Variants in DLG4 observed in about 807,000 individuals in gnomAD.
DLG4 encodes discs large MAGUK scaffold protein 4.
In DLG4, 7 loss-of-function variants were observed where a neutral mutation model predicts 93.8. That is an observed-to-expected ratio of 0.07 (90% confidence interval 0.04 to 0.14). The LOEUF is 0.14. Ranked by LOEUF, DLG4 falls within the 10% of genes least tolerant of loss-of-function variation. DLG4 has a pLI of 1.00. For synonymous variants in DLG4, 341 were observed against 387.6 expected, an observed-to-expected ratio of 0.88 and a Z score of 1.41; for missense variants, 545 against 992.9, an observed-to-expected ratio of 0.55 and a Z score of 6.06.
Position 7,190,532 on chromosome 17 carries a change from C to G in DLG4, c.*176G>C, listed in dbSNP as rs766118390. The G allele has an allele frequency of 2.3e-4, 140 of 602,828 alleles. No individual in the cohort carries two copies. In the African/African-American group the frequency reaches 2.4e-3, roughly 10 times the overall value. The allele number at this position is 602,828 out of a possible 1,614,324, so 37.3% of individuals were successfully genotyped here. On this transcript the variant is annotated 3_prime_UTR_variant, in exon 20 of 20. Coordinates refer to ENST00000399506, the MANE Select transcript of DLG4 (RefSeq NM_001321075.3). ...CGTTCAGGAGCCCAGTTCTGGGGTG[C>G]GGGGATACATGCAGAGGAGTGTCCC...
At position 7,205,954 on chromosome 17, in the gene DLG4, C is replaced by T. The variant is rs2070446659; in HGVS notation, c.97-1702G>A. On this transcript the variant is annotated intron_variant, in intron 2 of 19. Coordinates refer to ENST00000399506, the MANE Select transcript of DLG4 (RefSeq NM_001321075.3). ...TCCCATCCCTATCTCTGCCCGCATCCCACATGCTCCATCTCCATCCCTGTC... is the reference window on the plus strand; with the variant it reads ...TCCCATCCCTATCTCTGCCCGCATCTCACATGCTCCATCTCCATCCCTGTC... Among the ~76,000 whole-genome samples the T allele has an allele frequency of 2.0e-5, 3 of 151,898 alleles. No homozygotes were observed. In the East Asian group the frequency reaches 5.8e-4, roughly 29 times the overall value.
At chr17:7,190,879 T>C (rs1483133631) in intron 19 of DLG4, 65 bp from the exon 20 acceptor site, 8 of 1,365,348 alleles carry the variant, frequency 5.9e-6, no homozygotes, top group Admixed American at 3.4e-5. Flanking sequence ...GCCAAGGGGG[T>C]TGCACCAGCC....
Position 7,193,095 on chromosome 17 carries a change from C to G in DLG4, c.1716G>C (p.Glu572Asp). ...GGTAATCCCGGCCATCTATCTCATA[C>G]TCCCGCTTGGGCCGTGTCGTATCTG... Reference protein sequence around the residue: ...CVPHTTRPKREYEIDGRDYHF... With the variant: ...CVPHTTRPKRDYEIDGRDYHF... The change falls in exon 17 of 20, where the codon GAG becomes GAC. Residue 572 changes from glutamate to aspartate, a missense_variant. Physicochemically the swap from Glu to Asp is conservative, Grantham distance 45. Around this residue, in one of 5 missense-constraint regions of DLG4, gnomAD observed 428 missense variants for 741.4 expected, o/e 0.58. Transcript: ENST00000399506. The surrounding 1 kb of genome is among the most constrained non-coding windows in gnomAD (Gnocchi z 6.7). 1 of 1,613,824 alleles carries G rather than the reference C, an allele frequency of 6.2e-7. No homozygotes were observed. Among genetic ancestry groups the G allele is most frequent in the Non-Finnish European group, 8.5e-7 (1 of 1,179,784 alleles).
chr17:7,203,872 C>T lies in DLG4; in HGVS notation c.211-56G>A. On this transcript the variant is annotated intron_variant, in intron 4 of 19. Transcript: ENST00000399506. The surrounding 1 kb of genome is among the most constrained non-coding windows in gnomAD (Gnocchi z 7.2). ...CCCTCACTGCCCAAGTCTGGCAAGGCAAGTGGGGTGGGAAATGGCTTGGAG... is the reference window on the plus strand; with the variant it reads ...CCCTCACTGCCCAAGTCTGGCAAGGTAAGTGGGGTGGGAAATGGCTTGGAG... 6.2e-7 allele frequency: 1 copy of T among 1,604,562 alleles called. No individual in the cohort carries two copies. Among genetic ancestry groups the T allele is most frequent in the Non-Finnish European group, 8.5e-7 (1 of 1,175,432 alleles).
rs753044019 is a variant in DLG4 at position 7,208,026 on chromosome 17, C to T, written c.96+148G>A. ...CCGGCCCTTAGGGATTGCTGCAGCT[C>T]CGAGGCTCCGAGGGCCGCACTGGGG... On this transcript the variant is annotated intron_variant, in intron 2 of 19. Transcript: ENST00000399506. This position sits in a 1 kb window ranked among gnomAD's most constrained non-coding sequence, Gnocchi z 5.4. 1 of 1,244,840 alleles carries T rather than the reference C, an allele frequency of 8.0e-7. No homozygotes were observed. The highest frequency in any genetic ancestry group is 3.6e-5 in the South Asian group (1 of 28,144). The allele number at this position is 1,244,840 out of a possible 1,614,324, so 77.1% of individuals were successfully genotyped here.
chr17:7,189,767 GT>G lies in DLG4; in HGVS notation c.*940del, dbSNP rs2069394705. 6.6e-6 allele frequency: 1 copy of G among 152,358 alleles called. No individual in the cohort carries two copies. The highest frequency in any genetic ancestry group is 1.5e-5 in the Non-Finnish European group (1 of 68,042). 9.4% of individuals were successfully genotyped at this position (152,358 alleles called of 1,614,324 possible). On this transcript the variant is annotated 3_prime_UTR_variant, in exon 20 of 20. Transcript: ENST00000399506. ...CCAACTCGGGTTCCTTGATTTGCCAGTTACCTCCCTGGCCCATTTTCCAGGC... is the reference window on the plus strand; with the variant it reads ...CCAACTCGGGTTCCTTGATTTGCCAGTACCTCCCTGGCCCATTTTCCAGGC...
intron 8 of DLG4, among the ~76,000 whole-genome samples, chr17:7,200,856 GTT>G (rs1243920377): frequency 1.3e-4 from 12 of 94,676 alleles, no homozygotes; most frequent in East Asian, 3.1e-4. Context: ...GCCTGTTTTG[GTT>G]TTTTTTTTTT....
intron 1 of DLG4, among the ~76,000 whole-genome samples, chr17:7,211,277 C>G (rs1254971694): frequency 6.6e-6 from 1 of 151,894 alleles, no homozygotes; most frequent in Non-Finnish European, 1.5e-5. Flanking sequence ...TACTGGGACT[C>G]AGGGCCCTAA....
In DLG4 at chr17:7,203,109, G is replaced by A. The variant is rs1451630541; in HGVS notation, c.643-62C>T. ...AAATGGCCCAAGACAGAAGCACTGGGGTGAAGTGATGAACTTGGGCCTGCC... is the reference window on the plus strand; with the variant it reads ...AAATGGCCCAAGACAGAAGCACTGGAGTGAAGTGATGAACTTGGGCCTGCC... On this transcript the variant is annotated intron_variant, in intron 7 of 19. Transcript: ENST00000399506. This position sits in a 1 kb window ranked among gnomAD's most constrained non-coding sequence, Gnocchi z 7.2. 17 of 1,575,392 alleles carry A rather than the reference G, an allele frequency of 1.1e-5. No individual in the cohort carries two copies. Among genetic ancestry groups the A allele is most frequent in the Admixed American group, 1.7e-5 (1 of 58,612 alleles).
chr17:7,211,544 C>T, intron 1 of DLG4: 1 of 309,280 alleles, frequency 3.2e-6, no homozygotes, highest in Non-Finnish European at 4.7e-6. Context: ...AAGTTGCAAC[C>T]CAGAGACCCC....
intron 1 of DLG4, among the ~76,000 whole-genome samples, chr17:7,212,978 A>G (rs952759686): frequency 3.3e-5 from 5 of 152,136 alleles, no homozygotes; most frequent in African/African-American, 1.2e-4. Flanking sequence ...GATTGCAGTG[A>G]GCCGAGATCG....
upstream of DLG4, chr17:7,217,714 A>G (rs2070996942): frequency 6.5e-7 from 1 of 1,534,264 alleles, no homozygotes; most frequent in Non-Finnish European, 8.7e-7. Flanking sequence ...CTGTGCTGGC[A>G]GGAACCCGGA....
rs996280908 is a variant in DLG4, at chr17:7,213,906, ATCCAAGGAG to A, written c.30+3203_30+3211del. 1.1e-5 allele frequency: 5 copies of A among 470,084 alleles called. No homozygotes were observed. In the Admixed American group the frequency reaches 1.2e-4, roughly 11 times the overall value. The allele number at this position is 470,084 out of a possible 1,614,324, so 29.1% of individuals were successfully genotyped here. A position where few individuals can be genotyped will look rare whatever the true frequency, so the allele number is the denominator to read the frequency against. Reference sequence around the variant, plus strand: ...GTAGGAAGGCTTGGATCACCAGAGGATCCAAGGAGTCAGTGCGGAAGGGGCTGGACTCAA... The same window carrying A: ...GTAGGAAGGCTTGGATCACCAGAGGATCAGTGCGGAAGGGGCTGGACTCAA... On this transcript the variant is annotated intron_variant, in intron 1 of 19. Transcript: ENST00000399506.
intron 2 of DLG4, among the ~76,000 whole-genome samples, chr17:7,205,490 C>A (rs757513524): frequency 6.6e-6 from 1 of 152,124 alleles, no homozygotes; most frequent in Non-Finnish European, 1.5e-5. Context: ...ATTCCCCAGT[C>A]TCCTTCCCGC....
intron 17 of DLG4, 79 bp from the exon 18 acceptor site, chr17:7,192,081 C>CGGGGAGAGGT: frequency 1.3e-6 from 1 of 770,130 alleles, no homozygotes; most frequent in Non-Finnish European, 1.9e-6. Context: ...GGGACACGGA[C>CGGGGAGAGGT]GGGGAGAGGT....
upstream of DLG4, chr17:7,219,652 C>A: frequency 7.8e-7 from 1 of 1,278,968 alleles, no homozygotes; most frequent in Non-Finnish European, 1.0e-6. Flanking sequence ...CCCTTCAGTC[C>A]ACCTCCATCC....
At chr17:7,209,780 A>T (rs1042173136) in intron 1 of DLG4, among the ~76,000 whole-genome samples, 1 of 152,124 alleles carries the variant, frequency 6.6e-6, no homozygotes, top group Non-Finnish European at 1.5e-5. Context: ...AAAAAGAGAG[A>T]GAGGCCAGGA....
rs946114359 is a variant in DLG4 at position 7,188,616 on chromosome 17, A to C, written c.*2092T>G. Among the ~76,000 whole-genome samples, 9 of 152,200 alleles carry C rather than the reference A, an allele frequency of 5.9e-5. No individual in the cohort carries two copies. The highest frequency in any genetic ancestry group is 5.9e-4 in the Admixed American group (9 of 15,282). ...AGGGCCAGGAAAATATGACTCCCTA[A>C]AAGAACTAAAATTATTTCTCCCTTA... On this transcript the variant is annotated 3_prime_UTR_variant, in exon 20 of 20. Transcript: ENST00000399506.
At chr17:7,190,865 C>G in intron 19 of DLG4, 51 bp from the exon 20 acceptor site, 1 of 1,487,414 alleles carries the variant, frequency 6.7e-7, no homozygotes, top group Non-Finnish European at 9.4e-7. Context: ...CCAGAGGACA[C>G]CTGGCCAAGG....
Sources: gnomAD v4.1 joint callset for allele counts (sites outside exome capture counted in the v4.1 genomes callset) on GRCh38, gnomAD v4.1.1 for gene constraint, gnomAD v4.1.1 regional missense constraint, Gnocchi (gnomAD v3.1) non-coding constraint, MANE v1.5 for transcripts, NCBI Gene and HGNC (gene_info 2026-07-23, HGNC 2026-07-21) for gene names.